CDH9: variants seen among roughly 807,000 people sequenced by gnomAD.
CDH9 encodes cadherin-9.
CDH9 carries 28 observed loss-of-function variants against 70.9 expected under a neutral mutation model. That is an observed-to-expected ratio of 0.40 (90% CI 0.29 to 0.54). The LOEUF is 0.54. Ranked by LOEUF, CDH9 falls within the 20% of genes least tolerant of loss-of-function variation. The pLI is 0.59. For missense variants in CDH9, 874 were observed against 984.4 expected, an observed-to-expected ratio of 0.89 and a Z score of 1.50; for synonymous variants, 409 against 343.1, an observed-to-expected ratio of 1.19 and a Z score of -2.12.
chr5:26,968,399 C>A (rs1418665071), intron 2 of CDH9, among the ~76,000 whole-genome samples: 1 of 152,092 alleles, frequency 6.6e-6, no homozygotes, highest in Admixed American at 6.6e-5. Flanking sequence ...GATTCTCCAG[C>A]CTCAGCCTCC....
At chr5:27,027,312 C>T (rs1321080104) in intron 1 of CDH9, among the ~76,000 whole-genome samples, 7 of 151,962 alleles carry the variant, frequency 4.6e-5, no homozygotes. Flanking sequence ...TGAATATTTA[C>T]ATTCAGACTT....
intron 6 of CDH9, 85 bp from the exon 7 acceptor site, chr5:26,902,814 T>C (rs1291368133): frequency 4.3e-6 from 3 of 701,958 alleles, no homozygotes; most frequent in Non-Finnish European, 7.2e-6. Flanking sequence ...TAGCCAGCGA[T>C]CATGATTATA....
chr5:26,901,026 T>A (rs1740845904), intron 7 of CDH9, among the ~76,000 whole-genome samples: 1 of 151,990 alleles, frequency 6.6e-6, no homozygotes, highest in African/African-American at 2.4e-5. Flanking sequence ...CAAATCTACA[T>A]TGCTTTGGAT....
intron 2 of CDH9, among the ~76,000 whole-genome samples, chr5:26,973,830 A>C (rs1049228073): frequency 1.3e-5 from 2 of 152,248 alleles, no homozygotes; most frequent in Admixed American, 1.3e-4. Flanking sequence ...TCAACAAAAC[A>C]ATATGTAAAG....
At chr5:27,016,795 CAGAG>C (rs1445932442) in intron 1 of CDH9, among the ~76,000 whole-genome samples, 1 of 151,744 alleles carries the variant, frequency 6.6e-6, no homozygotes, top group Non-Finnish European at 1.5e-5. Flanking sequence ...TAAAGAAGCA[CAGAG>C]AAAGTTTAAA....
chr5:27,024,929 T>C (rs115429313), intron 1 of CDH9, among the ~76,000 whole-genome samples: 4,867 of 152,098 alleles, frequency 0.032, 200 homozygotes, highest in Admixed American at 0.12. Flanking sequence ...ATAAATACCA[T>C]ATCACTTACA....
intron 1 of CDH9, among the ~76,000 whole-genome samples, chr5:27,001,004 T>TGACA (rs1459138654): frequency 6.6e-6 from 1 of 152,090 alleles, no homozygotes; most frequent in Non-Finnish European, 1.5e-5. Context: ...TTTTGGGCAG[T>TGACA]GACACCATTT....
intron 2 of CDH9, among the ~76,000 whole-genome samples, chr5:26,928,347 G>A (rs989966182): frequency 2.0e-5 from 3 of 151,928 alleles, no homozygotes; most frequent in Non-Finnish European, 2.9e-5. Flanking sequence ...GAAAGGAGAG[G>A]ATGCAATAAA....
At chr5:27,033,390 A>G (rs1743341385) in intron 1 of CDH9, among the ~76,000 whole-genome samples, 1 of 151,490 alleles carries the variant, frequency 6.6e-6, no homozygotes, top group East Asian at 1.9e-4. Flanking sequence ...ACACAAACAT[A>G]CAGACATAGC....
At chr5:26,945,188 T>A (rs1016503355) in intron 2 of CDH9, among the ~76,000 whole-genome samples, 2 of 151,880 alleles carry the variant, frequency 1.3e-5, no homozygotes, top group Non-Finnish European at 2.9e-5. Context: ...TACCCTTCTG[T>A]TATTTATGTT....
intron 1 of CDH9, among the ~76,000 whole-genome samples, chr5:27,001,035 G>T (rs1742758643): frequency 1.3e-5 from 2 of 152,034 alleles, no homozygotes; most frequent in Non-Finnish European, 2.9e-5. Flanking sequence ...TGCAATGGTA[G>T]ATACATGACA....
chr5:26,964,062 T>C (rs1339513221), intron 2 of CDH9, among the ~76,000 whole-genome samples: 2 of 152,248 alleles, frequency 1.3e-5, no homozygotes, highest in South Asian at 2.1e-4. Context: ...AATAAAAAAT[T>C]GTGAAGAGTA....
intron 2 of CDH9, among the ~76,000 whole-genome samples, chr5:26,978,206 C>T (rs981174736): frequency 6.6e-6 from 1 of 151,650 alleles, no homozygotes; most frequent in African/African-American, 2.4e-5. Context: ...TAGAAATAGA[C>T]TTAAAGAAGA....
intron 2 of CDH9, among the ~76,000 whole-genome samples, chr5:26,954,907 C>T (rs1276972415): frequency 6.6e-6 from 1 of 152,090 alleles, no homozygotes; most frequent in Non-Finnish European, 1.5e-5. Context: ...GTGGCTTATA[C>T]CTGTAATCCC....
intron 1 of CDH9, among the ~76,000 whole-genome samples, chr5:27,008,262 G>C (rs1742900916): frequency 1.3e-5 from 2 of 152,026 alleles, no homozygotes; most frequent in South Asian, 4.1e-4. Flanking sequence ...TTGGGAGGCG[G>C]GTGGATCACT....
At chr5:26,922,177 A>T (rs1157626741) in intron 2 of CDH9, among the ~76,000 whole-genome samples, 1 of 93,384 alleles carries the variant, frequency 1.1e-5, no homozygotes, top group African/African-American at 3.7e-5. Flanking sequence ...TCAAAGAAAT[A>T]ATAACAGAGA....
chr5:26,915,811 C>T lies in CDH9; in HGVS notation c.342G>A (p.Lys114=), dbSNP rs752996174. ...GAGATTTTTCTTCTCTGTCTAGTTT[C>T]TTTGCAGCATGAATGTCTCCTGTAT... is the stretch of plus-strand genomic sequence containing the variant. ...DENTGDIHAA[K]KLDREEKSLY... is the part of the protein sequence containing the mutation. The change falls in exon 3 of 12, where the codon AAG becomes AAA. Residue 114 remains lysine, a synonymous_variant. Transcript: ENST00000231021. The T allele has an allele frequency of 1.2e-6, 2 of 1,613,526 alleles. No homozygotes were observed. The highest frequency in any genetic ancestry group is 1.6e-4 in the Middle Eastern group (1 of 6,062).
intron 1 of CDH9, among the ~76,000 whole-genome samples, chr5:27,030,446 A>G (rs1424302884): frequency 6.6e-6 from 1 of 151,722 alleles, no homozygotes; most frequent in Non-Finnish European, 1.5e-5. Flanking sequence ...TTGAAGTAAA[A>G]GAGTGGGGTA....
At chr5:26,929,346 C>T (rs772426394) in intron 2 of CDH9, among the ~76,000 whole-genome samples, 2 of 151,908 alleles carry the variant, frequency 1.3e-5, no homozygotes, top group Non-Finnish European at 2.9e-5. Flanking sequence ...ATAACAGATG[C>T]TGGTGAGGAT....
Sources: allele counts gnomAD v4.1 joint callset (sites outside exome capture counted in the v4.1 genomes callset), GRCh38; gene constraint gnomAD v4.1.1; transcripts MANE v1.5; gene names NCBI Gene and HGNC (gene_info 2026-07-23, HGNC 2026-07-21).